The following ADGRV1 variants were observed in gnomAD, a reference collection of about 807,000 sequenced individuals.
ADGRV1 encodes the protein G-protein coupled receptor 98.
A neutral mutation model predicts 596.2 loss-of-function variants in ADGRV1; 359 were observed. That is an observed-to-expected ratio of 0.60 (90% CI 0.55 to 0.66). The LOEUF (loss-of-function observed/expected upper bound fraction) is 0.66, where lower values mean the gene tolerates loss of function less well. Among genes scored for constraint, ADGRV1 ranks in the 30% least tolerant of loss-of-function variants. The pLI, the probability that ADGRV1 is intolerant of heterozygous loss-of-function variation, is 0.00. For missense variants in ADGRV1, 7,274 were observed against 7,575.6 expected (o/e 0.96, Z 1.48); for synonymous variants, 2,681 against 2,679.2 (o/e 1.00, Z -0.02).
chr5:90,832,492 C>G (rs1456946872), intron 77 of ADGRV1, among the ~76,000 whole-genome samples: 1 of 152,096 alleles, frequency 6.6e-6, no homozygotes, highest in South Asian at 2.1e-4. Context: ...CTTATATATT[C>G]TAGTTATTAA....
chr5:90,755,427 G>T (rs1209628669), intron 55 of ADGRV1, among the ~76,000 whole-genome samples: 1 of 152,144 alleles, frequency 6.6e-6, no homozygotes, highest in Non-Finnish European at 1.5e-5. Flanking sequence ...TTGTTTGAAT[G>T]AATTTTGAAG....
chr5:90,893,506 A>G (rs1027990884), intron 83 of ADGRV1, among the ~76,000 whole-genome samples: 2 of 152,280 alleles, frequency 1.3e-5, no homozygotes, highest in Admixed American at 1.3e-4. Context: ...CTGCCGTGAT[A>G]TGTTTGGCTA....
intron 14 of ADGRV1, among the ~76,000 whole-genome samples, chr5:90,644,259 G>A (rs1237749425): frequency 6.6e-6 from 1 of 152,148 alleles, no homozygotes; most frequent in African/African-American, 2.4e-5. Flanking sequence ...TCCAAATAGC[G>A]AGAACCTTAA....
intron 77 of ADGRV1, among the ~76,000 whole-genome samples, chr5:90,837,496 G>A (rs1336561931): frequency 2.7e-5 from 4 of 150,766 alleles, no homozygotes; most frequent in Non-Finnish European, 5.9e-5. Context: ...TCAGTCTCTC[G>A]AGTAACTGCG....
At chr5:90,852,062 A>G (rs960033928) in intron 79 of ADGRV1, among the ~76,000 whole-genome samples, 3 of 152,150 alleles carry the variant, frequency 2.0e-5, no homozygotes, top group Admixed American at 2.0e-4. Context: ...TTGACAAGCT[A>G]TGGTGGAGGT....
intron 1 of ADGRV1, among the ~76,000 whole-genome samples, chr5:90,587,551 G>T (rs1328224769): frequency 3.9e-5 from 5 of 128,154 alleles, no homozygotes; most frequent in Admixed American, 1.5e-4. Context: ...TCTCTTTTCT[G>T]TGTCTTTTTT....
rs909737610 is a variant in ADGRV1, at chr5:90,822,727, C to G, written c.16197-698C>G. Among the ~76,000 whole-genome samples the G allele has an allele frequency of 2.9e-4, 44 of 152,196 alleles. No individual in the cohort carries two copies. The South Asian group carries it at 4.8e-3, about 17-fold the overall frequency. On this transcript the variant is annotated intron_variant, in intron 75 of 89. Transcript: ENST00000405460. The stretch of plus-strand genomic sequence containing the variant: ...CTATAAATTACCTTAAGCAGTATGG[C>G]CATTTTCATGATATTGATTCTTCCT...
At chr5:90,622,489 T>G (rs888428591) in intron 4 of ADGRV1, 108 bp from the exon 5 acceptor site, 3 of 430,040 alleles carry the variant, frequency 7.0e-6, no homozygotes, top group African/African-American at 2.0e-5. Context: ...TCGTACAGTG[T>G]GGATTGATGT....
At chr5:91,121,353 G>A (rs1793302297) in intron 87 of ADGRV1, among the ~76,000 whole-genome samples, 1 of 152,142 alleles carries the variant, frequency 6.6e-6, no homozygotes. Flanking sequence ...ACCCGTCCTT[G>A]TACCACACTA....
chr5:90,566,660 T>C (rs1755672628), intron 1 of ADGRV1, among the ~76,000 whole-genome samples: 1 of 152,154 alleles, frequency 6.6e-6, no homozygotes, highest in East Asian at 1.9e-4. Context: ...GAAATAACAA[T>C]TGATTCTTGT....
chr5:90,651,378 C>T (rs1768595676), intron 17 of ADGRV1, among the ~76,000 whole-genome samples: 1 of 131,556 alleles, frequency 7.6e-6, no homozygotes, highest in Non-Finnish European at 1.7e-5. Context: ...ATTATGTAGG[C>T]ATCTCTCTTT....
chr5:90,738,346 T>A (rs1753520428), intron 50 of ADGRV1, among the ~76,000 whole-genome samples: 2 of 152,154 alleles, frequency 1.3e-5, no homozygotes. Flanking sequence ...TTGCTTTATA[T>A]AATCACCTTA....
At chr5:90,845,996 T>C (rs1268404852) in intron 78 of ADGRV1, among the ~76,000 whole-genome samples, 1 of 152,238 alleles carries the variant, frequency 6.6e-6, no homozygotes, top group African/African-American at 2.4e-5. Flanking sequence ...CACTCTGCCT[T>C]ACTATGTGGG....
At chr5:91,134,559 C>A (rs1486070376) in intron 87 of ADGRV1, among the ~76,000 whole-genome samples, 5 of 152,120 alleles carry the variant, frequency 3.3e-5, no homozygotes, top group Non-Finnish European at 5.9e-5. Context: ...TCACAATCAT[C>A]CTTTTGCCAT....
rs564442087 is a variant in ADGRV1 at position 91,112,126 on chromosome 5, T to C, written c.18432+9786T>C. On this transcript the variant is annotated intron_variant, in intron 87 of 89. Transcript: ENST00000405460. ...GATTGACCAGGCATAGTTCTTTAGATAGACTGCAGGATTTTCACTTTTGTT... is the reference window on the plus strand; with the variant it reads ...GATTGACCAGGCATAGTTCTTTAGACAGACTGCAGGATTTTCACTTTTGTT... Among the ~76,000 whole-genome samples, 6 of 152,334 alleles carry C rather than the reference T, an allele frequency of 3.9e-5. No individual in the cohort carries two copies. In the East Asian group the frequency reaches 1.2e-3, roughly 29 times the overall value.
At chr5:90,619,569 G>A (rs1445617511) in intron 4 of ADGRV1, among the ~76,000 whole-genome samples, 1 of 152,024 alleles carries the variant, frequency 6.6e-6, no homozygotes, top group East Asian at 1.9e-4. Flanking sequence ...TGGGAGATGA[G>A]AAAGCATATT....
rs534888679 is a variant in ADGRV1 at position 90,709,995 on chromosome 5, A to G, written c.8825-986A>G. ...TAAGAGAAGCTGCGTAATATGCCCCAAATCACACAGCTGGAGACTGGTAGA... is the reference window on the plus strand; with the variant it reads ...TAAGAGAAGCTGCGTAATATGCCCCGAATCACACAGCTGGAGACTGGTAGA... On this transcript the variant is annotated intron_variant, in intron 39 of 89. Transcript: ENST00000405460. Among the ~76,000 whole-genome samples, 3 of 152,340 alleles carry G rather than the reference A, an allele frequency of 2.0e-5. No individual in the cohort carries two copies. The East Asian group carries it at 5.8e-4, about 29-fold the overall frequency.
At chr5:90,697,324 A>G (rs1262692558) in intron 34 of ADGRV1, among the ~76,000 whole-genome samples, 178 bp downstream of exon 34, 2 of 152,170 alleles carry the variant, frequency 1.3e-5, no homozygotes, top group Admixed American at 6.6e-5. Flanking sequence ...AGCCAGATTT[A>G]GGAGCCTTGC....
At chr5:90,961,507 A>G (rs796143921) in intron 83 of ADGRV1, among the ~76,000 whole-genome samples, 3,256 of 81,114 alleles carry the variant, frequency 0.04, 238 homozygotes, top group African/African-American at 0.14. Flanking sequence ...AAAAAAAAAA[A>G]GGGGGGGTGG....
Sources: gnomAD v4.1 joint callset for allele counts (sites outside exome capture counted in the v4.1 genomes callset) on GRCh38, gnomAD v4.1.1 for gene constraint, MANE v1.5 for transcripts, NCBI Gene and HGNC (gene_info 2026-07-23, HGNC 2026-07-21) for gene names.